The following CAMTA1 variants were observed in gnomAD, a reference collection of about 807,000 sequenced individuals.
The protein encoded by CAMTA1 is calmodulin binding transcription activator 1.
In CAMTA1, 27 loss-of-function variants were observed where a neutral mutation model predicts 170.9. That is an observed-to-expected ratio of 0.16 (90% CI 0.12 to 0.22). The LOEUF (loss-of-function observed/expected upper bound fraction) is 0.22, where lower values mean the gene tolerates loss of function less well. CAMTA1 is among the 10% of genes least tolerant of loss of function. CAMTA1 has a pLI of 1.00. For missense variants in CAMTA1, 1,619 were observed against 2,217.2 expected (o/e 0.73, Z 5.42); for synonymous variants, 833 against 891.5 (o/e 0.93, Z 1.17).
chr1:7,628,715 C>G (rs1002399944), intron 6 of CAMTA1, among the ~76,000 whole-genome samples: 2 of 152,244 alleles, frequency 1.3e-5, no homozygotes, highest in Non-Finnish European at 2.9e-5. Flanking sequence ...AGCAGGCACA[C>G]CAGCTCTGGG....
At chr1:7,564,940 GGAGA>G (rs1168311869) in intron 6 of CAMTA1, among the ~76,000 whole-genome samples, 2 of 151,970 alleles carry the variant, frequency 1.3e-5, no homozygotes, top group Non-Finnish European at 2.9e-5. Context: ...AAATGGAGAA[GGAGA>G]GAGAGAAGCA....
At chr1:7,302,833 C>T (rs1674979720) in intron 5 of CAMTA1, among the ~76,000 whole-genome samples, 1 of 152,174 alleles carries the variant, frequency 6.6e-6, no homozygotes, top group Admixed American at 6.5e-5. Flanking sequence ...TAGCACCCAC[C>T]ATGTTTCAGA....
chr1:7,588,413 G>A lies in CAMTA1; in HGVS notation c.511-51987G>A, dbSNP rs1364637852. 6.6e-6 allele frequency among the ~76,000 whole-genome samples: 1 copy of A among 152,154 alleles called. No individual in the cohort carries two copies. Among genetic ancestry groups the A allele is most frequent in the Admixed American group, 6.5e-5 (1 of 15,284 alleles). Reference sequence around the variant, plus strand: ...TGGCCCCAGGGGCTCAGGAGGCCCTGGGCTTCGTAATCACACTACACTAAC... The same window carrying A: ...TGGCCCCAGGGGCTCAGGAGGCCCTAGGCTTCGTAATCACACTACACTAAC... On this transcript the variant is annotated intron_variant, in intron 6 of 22. Transcript: ENST00000303635. This position sits in a 1 kb window ranked among gnomAD's most constrained non-coding sequence, Gnocchi z 5.8.
intron 1 of CAMTA1, among the ~76,000 whole-genome samples, chr1:6,812,753 G>A (rs562289594): frequency 6.6e-6 from 1 of 152,020 alleles, no homozygotes; most frequent in Non-Finnish European, 1.5e-5. Flanking sequence ...CATGCTTTAC[G>A]TGCATCTCTG....
At chr1:7,476,313 A>G (rs193280420) in intron 6 of CAMTA1, among the ~76,000 whole-genome samples, 44 of 152,272 alleles carry the variant, frequency 2.9e-4, no homozygotes, top group African/African-American at 9.9e-4. Flanking sequence ...TGTCAAAGCC[A>G]TTTCTGACCC....
At chr1:7,358,575 G>A (rs1299192874) in intron 5 of CAMTA1, among the ~76,000 whole-genome samples, 2 of 152,134 alleles carry the variant, frequency 1.3e-5, no homozygotes, top group Non-Finnish European at 2.9e-5. Context: ...AGCCCCGGCT[G>A]CTCCTTCATC....
intron 3 of CAMTA1, among the ~76,000 whole-genome samples, chr1:6,914,425 A>G (rs1407754872): frequency 1.3e-5 from 2 of 151,790 alleles, no homozygotes; most frequent in East Asian, 3.9e-4. Flanking sequence ...TCACTGTTCT[A>G]CCTCTGTGCA....
At position 7,120,044 on chromosome 1, in the gene CAMTA1, G is replaced by A. The variant is rs146958238; in HGVS notation, c.302+28673G>A. On this transcript the variant is annotated intron_variant, in intron 4 of 22. Transcript: ENST00000303635. ...TAATTATTATCACCATTCTACAGAT[G>A]AGGAAACCGAGGCTGAGTAACTGGC... Among the ~76,000 whole-genome samples the A allele has an allele frequency of 4.6e-3, 706 of 152,232 alleles. 24 individuals carry two copies. Among genetic ancestry groups the A allele is most frequent in the Admixed American group, 0.042 (637 of 15,308 alleles).
chr1:7,550,694 C>T (rs576484456), intron 6 of CAMTA1, among the ~76,000 whole-genome samples: 1 of 150,744 alleles, frequency 6.6e-6, no homozygotes, highest in Non-Finnish European at 1.5e-5. Context: ...CTCTGTCTCA[C>T]ACAGTCCTCT....
rs749927220 is a variant in CAMTA1 at position 7,737,981 on chromosome 1, A to G, written c.3681A>G (p.Glu1227=). 6.2e-7 allele frequency: 1 copy of G among 1,611,068 alleles called. No individual in the cohort carries two copies. Among genetic ancestry groups the G allele is most frequent in the Non-Finnish European group, 8.5e-7 (1 of 1,177,872 alleles). ...TNPELRRPRS[E]PSNYYSSESH... ...CAGAGCTGAGAAGACCTCGTTCTGA[A>G]CCCTCTAATTACTACAGCAGTGAGA... Residue 1227 remains glutamate (E), a synonymous_variant, in exon 16 of 23, where the codon GAA becomes GAG. Coordinates refer to ENST00000303635, the MANE Select transcript of CAMTA1 (RefSeq NM_015215.4).
intron 5 of CAMTA1, among the ~76,000 whole-genome samples, chr1:7,365,935 G>C (rs559548483): frequency 2.0e-4 from 30 of 152,314 alleles, no homozygotes; most frequent in African/African-American, 7.2e-4. Flanking sequence ...AGCTTCCTGC[G>C]TCTGAATCCC....
chr1:6,966,116 C>T (rs895625530), intron 3 of CAMTA1, among the ~76,000 whole-genome samples: 4 of 151,984 alleles, frequency 2.6e-5, no homozygotes, highest in Admixed American at 1.3e-4. Flanking sequence ...GATGAGACTG[C>T]CACTCTCAGA....
intron 10 of CAMTA1, among the ~76,000 whole-genome samples, chr1:7,672,399 CCTT>C (rs973932397): frequency 5.9e-5 from 9 of 152,120 alleles, no homozygotes; most frequent in African/African-American, 2.2e-4. Context: ...CTCCTTTTCT[CCTT>C]CTCTCTCAGG....
At chr1:7,710,187 A>G (rs1043721131) in intron 11 of CAMTA1, among the ~76,000 whole-genome samples, 7 of 152,226 alleles carry the variant, frequency 4.6e-5, no homozygotes, top group Admixed American at 4.6e-4. Flanking sequence ...GGCAGTCAAC[A>G]TTGAATCAGT....
intron 11 of CAMTA1, among the ~76,000 whole-genome samples, chr1:7,695,498 A>G (rs1295941544): frequency 6.6e-6 from 1 of 152,216 alleles, no homozygotes; most frequent in Non-Finnish European, 1.5e-5. Flanking sequence ...CAGGAGGATC[A>G]CTGGGTGGGG....
At chr1:7,528,445 C>A (rs891196532) in intron 6 of CAMTA1, among the ~76,000 whole-genome samples, 16 of 152,026 alleles carry the variant, frequency 1.1e-4, no homozygotes, top group African/African-American at 3.6e-4. Context: ...AAAAAAAAAT[C>A]TTTCTAAAGA....
intron 6 of CAMTA1, among the ~76,000 whole-genome samples, chr1:7,486,731 G>A (rs1161104495): frequency 2.0e-5 from 3 of 152,172 alleles, no homozygotes; most frequent in Non-Finnish European, 2.9e-5. Context: ...TGGCAGTGCC[G>A]CTGTTGGGTT....
At chr1:7,319,791 C>T (rs1039468995) in intron 5 of CAMTA1, among the ~76,000 whole-genome samples, 4 of 152,108 alleles carry the variant, frequency 2.6e-5, no homozygotes, top group Admixed American at 6.5e-5. Context: ...TAAAACAAAG[C>T]GTAAAGTTTG....
At chr1:7,304,466 G>T (rs889429545) in intron 5 of CAMTA1, among the ~76,000 whole-genome samples, 9 of 152,170 alleles carry the variant, frequency 5.9e-5, no homozygotes, top group African/African-American at 2.2e-4. Flanking sequence ...ACGATGGACT[G>T]TGTGACTTTT....
Sources: gnomAD v4.1 joint callset for allele counts (sites outside exome capture counted in the v4.1 genomes callset) on GRCh38, gnomAD v4.1.1 for gene constraint, Gnocchi (gnomAD v3.1) non-coding constraint, MANE v1.5 for transcripts, NCBI Gene and HGNC (gene_info 2026-07-23, HGNC 2026-07-21) for gene names.